ADGRL2: variants seen among roughly 807,000 people sequenced by gnomAD.
ADGRL2 encodes calcium-independent alpha-latrotoxin receptor 2.
Under a neutral mutation model 157.4 loss-of-function variants are expected in ADGRL2, and 44 were observed. The ratio of observed to expected loss-of-function variants is 0.28; its 90% CI spans 0.22 to 0.36. The LOEUF is 0.36. ADGRL2 is among the 10% of genes least tolerant of loss of function. The pLI is 1.00. For synonymous variants in ADGRL2, 585 were observed against 624.7 expected, an observed-to-expected ratio of 0.94 and a Z score of 0.95; for missense variants, 1,510 against 1,768.9, an observed-to-expected ratio of 0.85 and a Z score of 2.63.
At chr1:81,571,218 AG>A (rs2080681639) in intron 2 of ADGRL2, among the ~76,000 whole-genome samples, 1 of 151,654 alleles carries the variant, frequency 6.6e-6, no homozygotes, top group Non-Finnish European at 1.5e-5. Context: ...CCAGCTAATC[AG>A]GAGGCTGAGG....
intron 11 of ADGRL2, among the ~76,000 whole-genome samples, chr1:81,957,479 G>C (rs1653899070): frequency 6.6e-6 from 1 of 151,110 alleles, no homozygotes; most frequent in Admixed American, 6.6e-5. Context: ...CAGGCACATT[G>C]CTTGAGCTCT....
intron 2 of ADGRL2, among the ~76,000 whole-genome samples, chr1:81,577,356 C>T (rs1015771461): frequency 6.6e-6 from 1 of 152,214 alleles, no homozygotes; most frequent in Non-Finnish European, 1.5e-5. Context: ...TTCTACCTTA[C>T]ATCTTAATTC....
chr1:81,623,718 C>A (rs1019454864), intron 3 of ADGRL2, among the ~76,000 whole-genome samples: 11 of 147,442 alleles, frequency 7.5e-5, no homozygotes, highest in African/African-American at 2.0e-4. Flanking sequence ...CTCACTGCAA[C>A]CTCTGCCTCC....
In ADGRL2 at chr1:81,645,416, A is replaced by T. The variant is rs949635604; in HGVS notation, c.-143+64436A>T. Among the ~76,000 whole-genome samples the T allele has an allele frequency of 4.8e-5, 7 of 146,814 alleles. 1 individual carries two copies. In the South Asian group the frequency reaches 8.5e-4, roughly 18 times the overall value. On this transcript the variant is annotated intron_variant, in intron 3 of 24. Coordinates refer to the ADGRL2 transcript ENST00000370721. ...TGTCTCAAAAAAAAAAAAAAAAAAA[A>T]AAATTAAATTAAATGCACGAGTACA...
Position 81,981,830 on chromosome 1 carries a change from G to T in ADGRL2, c.3136G>T (p.Ala1046Ser). The change falls in exon 19 of 24, where the codon GCT becomes TCT. Residue 1046 changes from alanine to serine, a missense_variant. Coordinates refer to ENST00000686636, the MANE Select transcript of ADGRL2 (RefSeq NM_001366006.2). Reference sequence around the variant, plus strand: ...CAGGTCTTGGGTGCTTGGCGCTTTCGCTCTTCTGTGTCTTCTTGGCCTCAC... The same window carrying T: ...CAGGTCTTGGGTGCTTGGCGCTTTCTCTCTTCTGTGTCTTCTTGGCCTCAC... ...NIKSWVLGAFALLCLLGLTWS... is the reference protein window; with the variant it reads ...NIKSWVLGAFSLLCLLGLTWS... 1 of 1,608,552 alleles carries T rather than the reference G, an allele frequency of 6.2e-7. No homozygotes were observed. The highest frequency in any genetic ancestry group is 2.2e-5 in the East Asian group (1 of 44,802).
At chr1:81,424,534 C>T (rs532216163) in intron 1 of ADGRL2, among the ~76,000 whole-genome samples, 1 of 152,286 alleles carries the variant, frequency 6.6e-6, no homozygotes, top group East Asian at 1.9e-4. Context: ...GCTACTCTGT[C>T]CACAATCCAC....
intron 2 of ADGRL2, among the ~76,000 whole-genome samples, chr1:81,451,257 A>G (rs2077697958): frequency 6.6e-6 from 1 of 152,174 alleles, no homozygotes; most frequent in Non-Finnish European, 1.5e-5. Context: ...CCGTCCTTCT[A>G]TGGAAATCCT....
chr1:81,484,866 A>G (rs181610296), intron 2 of ADGRL2, among the ~76,000 whole-genome samples: 26 of 152,266 alleles, frequency 1.7e-4, no homozygotes, highest in Admixed American at 5.9e-4. Context: ...CATAAAAAAA[A>G]TTTGCATGAA....
intron 3 of ADGRL2, among the ~76,000 whole-genome samples, chr1:81,689,067 C>T (rs2083282782): frequency 6.6e-6 from 1 of 152,144 alleles, no homozygotes; most frequent in African/African-American, 2.4e-5. Flanking sequence ...CCACCAGTGC[C>T]TGTTCTGGTG....
At chr1:81,756,148 C>T (rs912146678) in intron 1 of ADGRL2, among the ~76,000 whole-genome samples, 2 of 152,168 alleles carry the variant, frequency 1.3e-5, no homozygotes, top group Non-Finnish European at 2.9e-5. Flanking sequence ...ATGCTCTTAA[C>T]TCCACTGGAA....
At chr1:81,953,791 A>G (rs780744939) in intron 10 of ADGRL2, among the ~76,000 whole-genome samples, 19 of 152,184 alleles carry the variant, frequency 1.2e-4, no homozygotes, top group Admixed American at 2.6e-4. Context: ...ATTACTTTCT[A>G]ACCTTACTTT....
chr1:81,681,433 G>GT (rs1474449824), intron 3 of ADGRL2, among the ~76,000 whole-genome samples: 2 of 152,194 alleles, frequency 1.3e-5, no homozygotes, highest in Non-Finnish European at 2.9e-5. Context: ...TGAGTAAAGG[G>GT]TTAAACTCAG....
rs1026182761 is a variant in ADGRL2, at chr1:81,370,165, T to G, written c.-302+63656T>G. ...AAAAACAAAAAAAAAGGCTCTAACTTAATAATGTTTCCATACATTTAGGTG... is the reference window on the plus strand; with the variant it reads ...AAAAACAAAAAAAAAGGCTCTAACTGAATAATGTTTCCATACATTTAGGTG... On this transcript the variant is annotated intron_variant, in intron 1 of 24. Transcript: ENST00000370721. Among the ~76,000 whole-genome samples the G allele has an allele frequency of 3.9e-5, 6 of 152,164 alleles. No homozygotes were observed. The South Asian group carries it at 8.3e-4, about 21-fold the overall frequency.
intron 1 of ADGRL2, among the ~76,000 whole-genome samples, chr1:81,759,499 GAAAGTAT>G (rs1434694129): frequency 2.0e-5 from 3 of 152,222 alleles, no homozygotes; most frequent in Middle Eastern, 3.4e-3. Context: ...AAACATTTAT[GAAAGTAT>G]AATTAACTAA....
At chr1:81,613,987 GT>G (rs753371135) in intron 3 of ADGRL2, among the ~76,000 whole-genome samples, 57 of 152,126 alleles carry the variant, frequency 3.7e-4, no homozygotes, top group South Asian at 1.2e-3. Flanking sequence ...ATTTTAATGT[GT>G]TTTCCCCCTC....
intron 1 of ADGRL2, among the ~76,000 whole-genome samples, chr1:81,812,487 ATAACT>A (rs1297380449): frequency 6.6e-6 from 1 of 151,700 alleles, no homozygotes; most frequent in Non-Finnish European, 1.5e-5. Context: ...TTGATTAAAA[ATAACT>A]TAAAATATAA....
intron 4 of ADGRL2, among the ~76,000 whole-genome samples, chr1:81,939,929 T>A (rs1484632923): frequency 1.3e-5 from 2 of 151,258 alleles, no homozygotes; most frequent in Non-Finnish European, 3.0e-5. Flanking sequence ...ATATTTTAAA[T>A]CTTTACTTTT....
At chr1:81,770,497 G>A (rs1013541398) in intron 2 of ADGRL2, among the ~76,000 whole-genome samples, 1 of 147,260 alleles carries the variant, frequency 6.8e-6, no homozygotes, top group Admixed American at 6.8e-5. Context: ...TTTTAAGACA[G>A]AGTTTTGCTC....
At chr1:81,940,494 T>C (rs1647495953) in intron 4 of ADGRL2, among the ~76,000 whole-genome samples, 1 of 151,638 alleles carries the variant, frequency 6.6e-6, no homozygotes, top group Admixed American at 6.6e-5. Flanking sequence ...AGCAAGTATG[T>C]TTCCTGAAAG....
Sources: gnomAD v4.1 joint callset for allele counts (sites outside exome capture counted in the v4.1 genomes callset) on GRCh38, gnomAD v4.1.1 for gene constraint, MANE v1.5 for transcripts, NCBI Gene and HGNC (gene_info 2026-07-23, HGNC 2026-07-21) for gene names.